RABGAP1L: variants seen among roughly 807,000 people sequenced by gnomAD.
RABGAP1L encodes the protein RAB GTPase activating protein 1 like.
RABGAP1L carries 63 observed loss-of-function variants against 137.7 expected under a neutral mutation model. The ratio of observed to expected loss-of-function variants is 0.46; its 90% confidence interval spans 0.37 to 0.56. The LOEUF is 0.56. Ranked by LOEUF, RABGAP1L falls within the 20% of genes least tolerant of loss-of-function variation. The pLI, the probability that RABGAP1L is intolerant of heterozygous loss-of-function variation, is 0.00. For missense variants in RABGAP1L, 1,095 were observed against 1,244.0 expected, an observed-to-expected ratio of 0.88 and a Z score of 1.80; for synonymous variants, 431 against 433.7, an observed-to-expected ratio of 0.99 and a Z score of 0.08.
chr1:174,162,368 T>C (rs1557990978), intron 1 of RABGAP1L, among the ~76,000 whole-genome samples: 1 of 152,236 alleles, frequency 6.6e-6, no homozygotes. Flanking sequence ...AAAGTCCTTT[T>C]ATCCATGCTT....
intron 13 of RABGAP1L, among the ~76,000 whole-genome samples, chr1:174,610,835 T>A (rs1671174448): frequency 6.6e-6 from 1 of 152,374 alleles, no homozygotes; most frequent in South Asian, 2.1e-4. Flanking sequence ...ATGTGTTTTT[T>A]GGCTGCATAA....
chr1:174,504,565 A>G (rs1045247203), intron 13 of RABGAP1L, among the ~76,000 whole-genome samples: 2 of 152,216 alleles, frequency 1.3e-5, no homozygotes, highest in Non-Finnish European at 2.9e-5. Flanking sequence ...AGGGCCCAGA[A>G]GTAAATACAT....
At chr1:174,457,543 C>T (rs1313941120) in intron 13 of RABGAP1L, among the ~76,000 whole-genome samples, 2 of 147,224 alleles carry the variant, frequency 1.4e-5, no homozygotes, top group Non-Finnish European at 3.0e-5. Context: ...GAGTGATCAC[C>T]AGTGTCACCC....
At chr1:174,606,126 A>G (rs748490566) in intron 13 of RABGAP1L, among the ~76,000 whole-genome samples, 3 of 152,208 alleles carry the variant, frequency 2.0e-5, no homozygotes, top group Non-Finnish European at 4.4e-5. Flanking sequence ...ACATTCATGC[A>G]TAGCTTTTAA....
intron 11 of RABGAP1L, among the ~76,000 whole-genome samples, chr1:174,313,574 A>G (rs1296884188): frequency 6.6e-6 from 1 of 152,174 alleles, no homozygotes; most frequent in African/African-American, 2.4e-5. Flanking sequence ...GATAGTGGGC[A>G]TCCTGGTTGT....
chr1:174,650,209 T>C (rs1479500935), intron 14 of RABGAP1L, among the ~76,000 whole-genome samples: 1 of 152,192 alleles, frequency 6.6e-6, no homozygotes, highest in Non-Finnish European at 1.5e-5. Flanking sequence ...GGATAAGCTT[T>C]TTGATGTGCC....
chr1:174,621,927 T>C (rs563548593), intron 13 of RABGAP1L, among the ~76,000 whole-genome samples: 6 of 152,200 alleles, frequency 3.9e-5, no homozygotes, highest in Admixed American at 2.0e-4. Context: ...ACCTACAAAA[T>C]GGGAGAAAAT....
intron 13 of RABGAP1L, among the ~76,000 whole-genome samples, chr1:174,480,919 C>T (rs1448875530): frequency 1.3e-5 from 2 of 152,244 alleles, no homozygotes; most frequent in Admixed American, 6.5e-5. Context: ...CCATAGTATT[C>T]ATACCTCTCA....
intron 18 of RABGAP1L, among the ~76,000 whole-genome samples, chr1:174,807,223 A>T (rs1460822940): frequency 2.6e-5 from 4 of 152,244 alleles, no homozygotes; most frequent in Non-Finnish European, 5.9e-5. Flanking sequence ...TTATCTCTGT[A>T]GTCAGACCTT....
At chr1:174,896,984 T>C (rs1657311168) in intron 19 of RABGAP1L, 1 of 152,180 alleles carries the variant, frequency 6.6e-6, no homozygotes, top group Non-Finnish European at 1.5e-5. Context: ...AAGAAAGTCA[T>C]TGGTAGCTTG....
chr1:174,400,409 G>T (rs1011199444), intron 13 of RABGAP1L, among the ~76,000 whole-genome samples: 11 of 152,040 alleles, frequency 7.2e-5, no homozygotes, highest in Non-Finnish European at 1.5e-4. Context: ...CAACTGTATT[G>T]CTCCTTATGA....
intron 19 of RABGAP1L, among the ~76,000 whole-genome samples, chr1:174,875,179 C>T (rs1652876977): frequency 6.6e-6 from 1 of 152,176 alleles, no homozygotes; most frequent in African/African-American, 2.4e-5. Flanking sequence ...TTATTAGTTT[C>T]TGTGTATGTA....
In RABGAP1L at chr1:174,912,563, T is replaced by C. The variant is rs80150408; in HGVS notation, c.2341-44894T>C. ...TTAATAGGGCACAAAGTGAATCTGG[T>C]AGAGTGCCAGCTGTGTCTAATCTGA... On this transcript the variant is annotated intron_variant, in intron 19 of 25. Coordinates refer to ENST00000681986, the MANE Select transcript of RABGAP1L (RefSeq NM_001366446.1). 5.4e-3 allele frequency among the ~76,000 whole-genome samples: 829 copies of C among 152,338 alleles called. 11 individuals carry two copies. The highest frequency in any genetic ancestry group is 0.018 in the African/African-American group (761 of 41,578).
In RABGAP1L at chr1:174,252,505, T is replaced by G; in HGVS notation, c.901T>G (p.Phe301Val). 6.2e-7 allele frequency: 1 copy of G among 1,613,104 alleles called. No individual in the cohort carries two copies. The highest frequency in any genetic ancestry group is 8.5e-7 in the Non-Finnish European group (1 of 1,179,656). The change falls in exon 7 of 26, where the codon TTT (phenylalanine) becomes GTT (valine). Residue 301 changes from phenylalanine to valine, a missense_variant. By Grantham distance (50) the Phe-to-Val change is conservative. Transcript: ENST00000681986. ...CCCTGTGCCTAAGGATAGAGATAAA[T>G]TTTATTTCAAATTAAAGCAAGGAAT... ...FSPVPKDRDK[F>V]YFKLKQGIEK... is the part of the protein sequence containing the mutation.
chr1:174,805,300 G>T (rs1382566500), intron 18 of RABGAP1L, among the ~76,000 whole-genome samples: 7 of 152,286 alleles, frequency 4.6e-5, no homozygotes, highest in Admixed American at 3.3e-4. Context: ...AAAGGGAAAA[G>T]AAGTAGGACT....
chr1:174,837,601 G>C (rs1692902251), intron 19 of RABGAP1L, among the ~76,000 whole-genome samples: 2 of 152,212 alleles, frequency 1.3e-5, no homozygotes, highest in Admixed American at 6.5e-5. Context: ...CATATGGTTA[G>C]ATTTGGGCAA....
chr1:174,253,421 T>C (rs1672875091), intron 7 of RABGAP1L, among the ~76,000 whole-genome samples: 1 of 152,228 alleles, frequency 6.6e-6, no homozygotes, highest in Non-Finnish European at 1.5e-5. Context: ...TTAATACCTA[T>C]AATTGGACAC....
intron 19 of RABGAP1L, among the ~76,000 whole-genome samples, chr1:174,891,126 G>C (rs761641311): frequency 3.9e-5 from 6 of 152,190 alleles, no homozygotes; most frequent in Non-Finnish European, 8.8e-5. Flanking sequence ...TTTAAAGGTG[G>C]AAACTTTTGA....
chr1:174,359,876 A>G (rs947480532), intron 11 of RABGAP1L, among the ~76,000 whole-genome samples: 1 of 152,238 alleles, frequency 6.6e-6, no homozygotes, highest in African/African-American at 2.4e-5. Context: ...TTTAAAATTG[A>G]GAACAGTGAG....
Sources: allele counts gnomAD v4.1 joint callset (sites outside exome capture counted in the v4.1 genomes callset), GRCh38; gene constraint gnomAD v4.1.1; transcripts MANE v1.5; gene names NCBI Gene and HGNC (gene_info 2026-07-23, HGNC 2026-07-21).